The following BCAS3 variants were observed in gnomAD, a reference collection of about 807,000 sequenced individuals.
BCAS3 encodes the protein BCAS4/BCAS3 fusion.
A neutral mutation model predicts 116.1 loss-of-function variants in BCAS3; 53 were observed. That is an observed-to-expected ratio of 0.46 (90% CI 0.37 to 0.57). BCAS3 has a LOEUF of 0.57. Among genes scored for constraint, BCAS3 ranks in the 20% least tolerant of loss-of-function variants. The pLI, the probability that BCAS3 is intolerant of heterozygous loss-of-function variation, is 0.00. For synonymous variants in BCAS3, 391 were observed against 408.2 expected (o/e 0.96, Z 0.51); for missense variants, 917 against 1,165.4 (o/e 0.79, Z 3.10).
intron 22 of BCAS3, among the ~76,000 whole-genome samples, chr17:61,237,423 A>G (rs1398524483): frequency 2.0e-5 from 3 of 152,206 alleles, no homozygotes; most frequent in African/African-American, 7.2e-5. Context: ...GGTGGGGACA[A>G]ATAAAGGAAT....
Position 61,200,505 on chromosome 17 carries a change from T to C in BCAS3, c.2425+115941T>C, listed in dbSNP as rs1271914549. 6.6e-6 allele frequency among the ~76,000 whole-genome samples: 1 copy of C among 152,238 alleles called. No homozygotes were observed. Among genetic ancestry groups the C allele is most frequent in the Admixed American group, 6.5e-5 (1 of 15,286 alleles). On this transcript the variant is annotated intron_variant, in intron 22 of 23. Coordinates refer to ENST00000407086, the MANE Select transcript of BCAS3 (RefSeq NM_017679.5). The surrounding 1 kb of genome is among the most constrained non-coding windows in gnomAD (Gnocchi z 5.1). ...GGCCCTCGGCTTGCCGAAGGCCGTA[T>C]GGTAAATCAATGACCGAGCTGGTGT... is the stretch of plus-strand genomic sequence containing the variant.
Position 61,140,979 on chromosome 17 carries a change from G to A in BCAS3, c.2425+56415G>A, listed in dbSNP as rs1252656802. Among the ~76,000 whole-genome samples the A allele has an allele frequency of 1.3e-5, 2 of 151,964 alleles. No individual in the cohort carries two copies. Among genetic ancestry groups the A allele is most frequent in the Non-Finnish European group, 2.9e-5 (2 of 67,976 alleles). ...CCCCCAAAAGTATAATAGTGAAATG[G>A]GGCAGGCATGAAGCCCGTGAGAGAT... On this transcript the variant is annotated intron_variant, in intron 22 of 23. Coordinates refer to ENST00000407086, the MANE Select transcript of BCAS3 (RefSeq NM_017679.5). The surrounding 1 kb of genome is among the most constrained non-coding windows in gnomAD (Gnocchi z 4.2).
intron 22 of BCAS3, among the ~76,000 whole-genome samples, chr17:61,101,432 C>T (rs892404199): frequency 1.3e-5 from 2 of 152,068 alleles, no homozygotes; most frequent in Non-Finnish European, 2.9e-5. Flanking sequence ...ACAATTCACT[C>T]TATAGTGGGG....
At chr17:61,193,712 G>A (rs532430249) in intron 22 of BCAS3, among the ~76,000 whole-genome samples, 5 of 129,174 alleles carry the variant, frequency 3.9e-5, no homozygotes, top group Admixed American at 9.8e-5. Context: ...AGCCGAGATC[G>A]TGCCATTGCA....
intron 6 of BCAS3, among the ~76,000 whole-genome samples, chr17:60,792,561 C>T (rs1037924664): frequency 6.6e-6 from 1 of 152,176 alleles, no homozygotes; most frequent in African/African-American, 2.4e-5. Context: ...AGTGACACTT[C>T]AAGGATTCTG....
chr17:61,345,240 G>T (rs887680466), intron 22 of BCAS3, among the ~76,000 whole-genome samples: 1 of 152,208 alleles, frequency 6.6e-6, no homozygotes, highest in Non-Finnish European at 1.5e-5. Flanking sequence ...CTCATCAGAG[G>T]AGACTCCGCT....
intron 19 of BCAS3, among the ~76,000 whole-genome samples, chr17:61,074,672 GTAGT>G (rs2071782408): frequency 1.3e-5 from 2 of 152,196 alleles, no homozygotes; most frequent in African/African-American, 2.4e-5. Flanking sequence ...ATTAGCATAT[GTAGT>G]TAGTTGTTTA....
intron 4 of BCAS3, among the ~76,000 whole-genome samples, chr17:60,701,892 A>G (rs944536655): frequency 7.4e-5 from 11 of 149,066 alleles, no homozygotes; most frequent in Admixed American, 1.3e-4. Flanking sequence ...GAGATGCGCT[A>G]GAGCCCAGGA....
At position 60,995,495 on chromosome 17, in the gene BCAS3, A is replaced by C. The variant is rs1346531299; in HGVS notation, c.1486+5260A>C. 6.6e-6 allele frequency among the ~76,000 whole-genome samples: 1 copy of C among 151,846 alleles called. No individual in the cohort carries two copies. Among genetic ancestry groups the C allele is most frequent in the Non-Finnish European group, 1.5e-5 (1 of 67,944 alleles). ...GTATTTTAAGTAGAGACTGGGTTTC[A>C]CAATGTTGGCCAGGCTGGTCTCAAA... On this transcript the variant is annotated intron_variant, in intron 15 of 23. Transcript: ENST00000407086. This position sits in a 1 kb window ranked among gnomAD's most constrained non-coding sequence, Gnocchi z 4.7.
intron 22 of BCAS3, among the ~76,000 whole-genome samples, chr17:61,149,635 G>T (rs1431987224): frequency 6.6e-6 from 1 of 152,110 alleles, no homozygotes; most frequent in Non-Finnish European, 1.5e-5. Context: ...TTGGATTCCA[G>T]CAAATGTAGG....
chr17:61,044,848 C>T (rs529357581), intron 19 of BCAS3, among the ~76,000 whole-genome samples: 51 of 151,406 alleles, frequency 3.4e-4, no homozygotes, highest in Admixed American at 2.3e-3. Flanking sequence ...CTCAGCTCAC[C>T]ACAACCTCTG....
rs145281574 is a variant in BCAS3, at chr17:60,950,324, A to G, written c.1221+2972A>G. Among the ~76,000 whole-genome samples, 187 of 152,290 alleles carry G rather than the reference A, an allele frequency of 1.2e-3. 1 individual carries two copies. The highest frequency in any genetic ancestry group is 3.8e-3 in the African/African-American group (157 of 41,562). On this transcript the variant is annotated intron_variant, in intron 14 of 23. Transcript: ENST00000407086. ...TAGAGGGATGGTTATGTTGATTATA[A>G]GAGACTTAAAATACACATTGAGTAA...
chr17:60,748,780 T>C (rs1271128515), intron 6 of BCAS3, among the ~76,000 whole-genome samples: 1 of 152,188 alleles, frequency 6.6e-6, no homozygotes. Context: ...TAATTTACTT[T>C]CCTCTTAAAA....
chr17:61,351,389 C>T (rs553892877), intron 22 of BCAS3, among the ~76,000 whole-genome samples: 1 of 152,306 alleles, frequency 6.6e-6, no homozygotes, highest in South Asian at 2.1e-4. Flanking sequence ...AAAGCACCAA[C>T]CGAAGGCCAG....
rs754047075 is a variant in BCAS3, at chr17:61,098,993, G to A, written c.2425+14429G>A. ...CGAAAAATTAGCCGGGCATGGTGGC[G>A]CACACCTGTAGTCCCAGCTACTCAG... is the stretch of plus-strand genomic sequence containing the variant. On this transcript the variant is annotated intron_variant, in intron 22 of 23. Transcript: ENST00000407086. The surrounding 1 kb of genome is among the most constrained non-coding windows in gnomAD (Gnocchi z 4.2). Among the ~76,000 whole-genome samples, 13 of 152,022 alleles carry A rather than the reference G, an allele frequency of 8.6e-5. No homozygotes were observed. The highest frequency in any genetic ancestry group is 4.6e-4 in the Admixed American group (7 of 15,258).
chr17:61,258,652 G>C lies in BCAS3; in HGVS notation c.2426-109675G>C, dbSNP rs991253875. ...ACATTGATTAAGTAAGTAGACTGAT[G>C]TTCACTCCTTATTGCATGATTTTCT... On this transcript the variant is annotated intron_variant, in intron 22 of 23. Coordinates refer to ENST00000407086, the MANE Select transcript of BCAS3 (RefSeq NM_017679.5). This position sits in a 1 kb window ranked among gnomAD's most constrained non-coding sequence, Gnocchi z 4.7. Among the ~76,000 whole-genome samples the C allele has an allele frequency of 1.3e-5, 2 of 152,202 alleles. No homozygotes were observed. The highest frequency in any genetic ancestry group is 4.8e-5 in the African/African-American group (2 of 41,446).
chr17:60,745,971 T>G (rs1041647386), intron 5 of BCAS3, among the ~76,000 whole-genome samples: 1 of 152,144 alleles, frequency 6.6e-6, no homozygotes, highest in Non-Finnish European at 1.5e-5. Context: ...TCTGTAGATT[T>G]ATAGTAATAT....
chr17:60,957,517 C>T (rs1027905875), intron 14 of BCAS3, among the ~76,000 whole-genome samples: 3 of 152,112 alleles, frequency 2.0e-5, no homozygotes, highest in Non-Finnish European at 4.4e-5. Flanking sequence ...GCAAAAACGT[C>T]ATTTTTATTG....
chr17:60,699,458 T>C (rs1369772347), intron 4 of BCAS3, among the ~76,000 whole-genome samples: 4 of 152,140 alleles, frequency 2.6e-5, no homozygotes, highest in Admixed American at 6.6e-5. Flanking sequence ...TGACCTCAAG[T>C]GATCTGCCCA....
Sources: allele counts gnomAD v4.1 joint callset (sites outside exome capture counted in the v4.1 genomes callset), GRCh38; gene constraint gnomAD v4.1.1; non-coding constraint Gnocchi (gnomAD v3.1); transcripts MANE v1.5; gene names NCBI Gene and HGNC (gene_info 2026-07-23, HGNC 2026-07-21).